The following GTF2H1 variants were observed in gnomAD, a reference collection of about 807,000 sequenced individuals.
The protein encoded by GTF2H1 is general transcription factor IIH subunit 1.
GTF2H1 carries 16 observed loss-of-function variants against 71.2 expected under a neutral mutation model. The observed-to-expected ratio is 0.22, with a 90% CI of 0.15 to 0.34. The LOEUF is 0.34. Among genes scored for constraint, GTF2H1 ranks in the 10% least tolerant of loss-of-function variants. GTF2H1 has a pLI of 1.00. For missense variants in GTF2H1, 498 were observed against 648.2 expected (o/e 0.77, Z 2.52); for synonymous variants, 215 against 219.0 (o/e 0.98, Z 0.16).
Position 18,341,348 on chromosome 11 carries a change from G to A in GTF2H1, c.695G>A (p.Arg232Lys). The A allele has an allele frequency of 2.5e-6, 4 of 1,613,976 alleles. No individual in the cohort carries two copies. The highest frequency in any genetic ancestry group is 3.4e-6 in the Non-Finnish European group (4 of 1,179,916). The change falls in exon 6 of 15, where the codon AGG becomes AAG. Residue 232 changes from arginine (R) to lysine (K), a missense_variant. Arg to Lys is a conservative substitution (Grantham distance 26, BLOSUM62 2). Around this residue, in one of 3 missense-constraint regions of GTF2H1, gnomAD observed 216 missense variants for 306.2 expected, o/e 0.71. Transcript: ENST00000265963. Reference sequence around the variant, plus strand: ...TTTTTCCAGTCCCATTATTTTCACAGGGATCGGCTGAATACAGGGTCAAAG... The same window carrying A: ...TTTTTCCAGTCCCATTATTTTCACAAGGATCGGCTGAATACAGGGTCAAAG... ...TRFFQSHYFH[R>K]DRLNTGSKDL...
chr11:18,348,166 TCA>T, intron 9 of GTF2H1: 1 of 581,080 alleles, frequency 1.7e-6, no homozygotes, highest in Non-Finnish European at 3.0e-6. Flanking sequence ...TTTGTTTTCC[TCA>T]CATGTACACA....
At chr11:18,345,536 T>C (rs1418482108) in intron 7 of GTF2H1, among the ~76,000 whole-genome samples, 1 of 151,318 alleles carries the variant, frequency 6.6e-6, no homozygotes, top group African/African-American at 2.4e-5. Flanking sequence ...TCGTGCCCTT[T>C]TGCCCAGGCT....
chr11:18,338,098 C>G lies in GTF2H1; in HGVS notation c.348-11C>G. The G allele has an allele frequency of 6.3e-7, 1 of 1,592,784 alleles. No individual in the cohort carries two copies. Among genetic ancestry groups the G allele is most frequent in the East Asian group, 2.2e-5 (1 of 44,738 alleles). On this transcript the variant is annotated splice_polypyrimidine_tract_variant and intron_variant, in intron 3 of 14. Transcript: ENST00000265963. Reference sequence around the variant, plus strand: ...GAAGTTCAGTTATATTCAGTATATTCTGCTTTACAGAATGCTGCAAGAAGA... The same window carrying G: ...GAAGTTCAGTTATATTCAGTATATTGTGCTTTACAGAATGCTGCAAGAAGA...
chr11:18,363,475 G>T (rs1865752773), intron 14 of GTF2H1, among the ~76,000 whole-genome samples: 1 of 151,924 alleles, frequency 6.6e-6, no homozygotes, highest in Admixed American at 6.6e-5. Flanking sequence ...TAATCTGATG[G>T]GACCGCCATC....
At chr11:18,328,980 GT>G (rs1864834491) in intron 1 of GTF2H1, among the ~76,000 whole-genome samples, 1 of 152,112 alleles carries the variant, frequency 6.6e-6, no homozygotes, top group Admixed American at 6.6e-5. Context: ...AGGTGGTATC[GT>G]TTATTAAGAA....
chr11:18,333,105 AT>A lies in GTF2H1; in HGVS notation c.33del (p.Ile11MetfsTer2), dbSNP rs1442941502. On this transcript the variant is annotated frameshift_variant, in exon 2 of 15. Transcript: ENST00000265963. LOFTEE classifies it high-confidence loss of function. MATSSEEVLL[I>X]VKKVRQKKQD... ...AACCTCATCTGAAGAAGTTTTGCTG[AT>A]TGTAAAGAAAGTGCGTCAAAAGAAG... The A allele has an allele frequency of 6.2e-7, 1 of 1,612,212 alleles. No individual in the cohort carries two copies. Among genetic ancestry groups the A allele is most frequent in the East Asian group, 2.2e-5 (1 of 44,850 alleles).
chr11:18,333,303 ATCTT>A (rs1339989475), intron 2 of GTF2H1, 75 bp downstream of exon 2: 22 of 1,075,096 alleles, frequency 2.0e-5, no homozygotes, highest in Admixed American at 1.3e-4. Context: ...GATTATATAA[ATCTT>A]TATTTTATAT....
intron 11 of GTF2H1, 151 bp from the exon 12 acceptor site, chr11:18,357,801 T>C (rs1307264552): frequency 1.5e-6 from 1 of 666,272 alleles, no homozygotes; most frequent in Non-Finnish European, 2.7e-6. Context: ...TCAAGGAAAA[T>C]AGTTCACTTT....
chr11:18,348,123 A>C (rs1865340952), intron 9 of GTF2H1: 2 of 586,986 alleles, frequency 3.4e-6, no homozygotes. Flanking sequence ...CTAGCCTGTT[A>C]GCCATTTTTA....
intron 11 of GTF2H1, among the ~76,000 whole-genome samples, chr11:18,354,666 T>A (rs1865501782): frequency 6.6e-6 from 1 of 152,188 alleles, no homozygotes; most frequent in Non-Finnish European, 1.5e-5. Flanking sequence ...AAATGATGAT[T>A]TTCTAATTCC....
At position 18,350,708 on chromosome 11, in the gene GTF2H1, G is replaced by A. The variant is rs186194710; in HGVS notation, c.1054-1173G>A. ...TTGAGGTATAGTTAATAACCTGAAT[G>A]TTCTGATTCTAGTCTTGGTAGTCAA... On this transcript the variant is annotated intron_variant, in intron 9 of 14. Coordinates refer to ENST00000265963, the MANE Select transcript of GTF2H1 (RefSeq NM_005316.4). 1.2e-3 allele frequency among the ~76,000 whole-genome samples: 188 copies of A among 152,316 alleles called. 2 individuals are homozygous for A. The highest frequency in any genetic ancestry group is 4.1e-3 in the African/African-American group (172 of 41,564).
intron 1 of GTF2H1, among the ~76,000 whole-genome samples, chr11:18,327,716 C>T (rs1439174205): frequency 6.6e-6 from 1 of 152,172 alleles, no homozygotes; most frequent in African/African-American, 2.4e-5. Flanking sequence ...AGCCTCCCGA[C>T]TTGCTGGGAC....
At chr11:18,350,780 T>C (rs1199424589) in intron 9 of GTF2H1, among the ~76,000 whole-genome samples, 6 of 152,206 alleles carry the variant, frequency 3.9e-5, no homozygotes, top group African/African-American at 1.4e-4. Flanking sequence ...GGATGAAATA[T>C]TTCAAGGCTG....
chr11:18,347,664 A>G lies in GTF2H1; in HGVS notation c.914A>G (p.Lys305Arg). The G allele has an allele frequency of 6.2e-7, 1 of 1,613,056 alleles. No individual in the cohort carries two copies. Among genetic ancestry groups the G allele is most frequent in the South Asian group, 1.1e-5 (1 of 91,064 alleles). Residue 305 changes from lysine to arginine, a missense_variant, in exon 8 of 15, where the codon AAG becomes AGG. By Grantham distance (26) the Lys-to-Arg change is conservative. Coordinates refer to ENST00000265963, the MANE Select transcript of GTF2H1 (RefSeq NM_005316.4). ...IKENSNAAII[K>R]RFNHHSAMVL... ...GAGAATAGTAATGCTGCCATCATCAAGAGATTTAACCATCACAGTGCCATG... is the reference window on the plus strand; with the variant it reads ...GAGAATAGTAATGCTGCCATCATCAGGAGATTTAACCATCACAGTGCCATG...
intron 11 of GTF2H1, 130 bp downstream of exon 11, chr11:18,352,576 G>GA (rs1448316978): frequency 4.1e-6 from 2 of 488,330 alleles, no homozygotes; most frequent in Non-Finnish European, 3.7e-6. Flanking sequence ...TAAATAAATT[G>GA]AAAAAATCAA....
intron 9 of GTF2H1, chr11:18,348,410 T>A (rs967340085): frequency 6.0e-6 from 1 of 167,120 alleles, no homozygotes; most frequent in Admixed American, 6.3e-5. Flanking sequence ...GCTTGTGTAT[T>A]TATTCTTCTC....
At chr11:18,349,572 A>AC (rs1405870404) in intron 9 of GTF2H1, among the ~76,000 whole-genome samples, 1 of 152,172 alleles carries the variant, frequency 6.6e-6, no homozygotes. Flanking sequence ...AATTCCAGCT[A>AC]CCTGGGAGGC....
At chr11:18,349,156 A>G (rs1865370423) in intron 9 of GTF2H1, among the ~76,000 whole-genome samples, 1 of 152,198 alleles carries the variant, frequency 6.6e-6, no homozygotes, top group Admixed American at 6.6e-5. Context: ...CAGCCTCCCA[A>G]AGTGCTGGGG....
intron 7 of GTF2H1, among the ~76,000 whole-genome samples, chr11:18,345,221 T>C (rs1361283831): frequency 1.3e-5 from 2 of 151,948 alleles, no homozygotes; most frequent in Non-Finnish European, 2.9e-5. Context: ...ATTTAAAAAT[T>C]AAAAATTAAA....
Sources: allele counts gnomAD v4.1 joint callset (sites outside exome capture counted in the v4.1 genomes callset), GRCh38; gene constraint gnomAD v4.1.1; regional missense constraint gnomAD v4.1.1; transcripts MANE v1.5; gene names NCBI Gene and HGNC (gene_info 2026-07-23, HGNC 2026-07-21).